Variants in SLC22A16 observed in about 807,000 individuals in gnomAD.
SLC22A16 encodes the protein WUGSC:RG331P03.1.
Under a neutral mutation model 52.9 loss-of-function variants are expected in SLC22A16, and 53 were observed. That is an observed-to-expected ratio of 1.00 (90% CI 0.80 to 1.26). SLC22A16 has a LOEUF of 1.26. SLC22A16 is among the 50% of genes most tolerant of loss of function. SLC22A16 has a pLI of 0.00. For missense variants in SLC22A16, 726 were observed against 704.0 expected (o/e 1.03, Z -0.35); for synonymous variants, 291 against 268.8 (o/e 1.08, Z -0.81).
At chr6:110,466,630 A>G (rs1392448653) in intron 1 of SLC22A16, among the ~76,000 whole-genome samples, 1 of 152,092 alleles carries the variant, frequency 6.6e-6, no homozygotes, top group African/African-American at 2.4e-5. Flanking sequence ...AATAACAGAT[A>G]TTAGTGAGAC....
In SLC22A16 at chr6:110,432,797, T is replaced by A. The variant is rs552152774; in HGVS notation, c.1422-1527A>T. 1.1e-4 allele frequency among the ~76,000 whole-genome samples: 16 copies of A among 152,298 alleles called. No individual in the cohort carries two copies. In the East Asian group the frequency reaches 2.9e-3, roughly 28 times the overall value. On this transcript the variant is annotated intron_variant, in intron 6 of 7. Transcript: ENST00000368919. ...CTGTACATCTGTGCAGGGCTGCCAC[T>A]TTCACAATATGATCTGAGAAGAGTC...
chr6:110,440,504 G>C (rs1403209777), intron 4 of SLC22A16, among the ~76,000 whole-genome samples: 4 of 152,194 alleles, frequency 2.6e-5, no homozygotes, highest in Non-Finnish European at 5.9e-5. Flanking sequence ...ACGGCGGGGT[G>C]CTGTGGCTCA....
intron 1 of SLC22A16, among the ~76,000 whole-genome samples, chr6:110,465,960 T>C (rs1206820650): frequency 6.6e-6 from 1 of 151,880 alleles, no homozygotes; most frequent in East Asian, 1.9e-4. Flanking sequence ...TGGAACAAAA[T>C]AGAGAATCCA....
intron 3 of SLC22A16, among the ~76,000 whole-genome samples, chr6:110,446,233 C>G (rs149280772): frequency 6.6e-6 from 1 of 152,278 alleles, no homozygotes; most frequent in East Asian, 1.9e-4. Flanking sequence ...GAAACAGCCT[C>G]CTTGCTCGCT....
intron 2 of SLC22A16, among the ~76,000 whole-genome samples, chr6:110,448,259 C>T (rs1441720526): frequency 6.6e-6 from 1 of 152,194 alleles, no homozygotes; most frequent in African/African-American, 2.4e-5. Flanking sequence ...TGATGTTGAG[C>T]ATCTTTTCAA....
At position 110,457,037 on chromosome 6, in the gene SLC22A16, A is replaced by T; in HGVS notation, c.54-20T>A. ...TGGAATCTGCAAGAGAAGAAAAGCT[A>T]ATTATTATATCTGGTCTATAGGCTG... is the stretch of plus-strand genomic sequence containing the variant. On this transcript the variant is annotated intron_variant, in intron 1 of 7. Coordinates refer to ENST00000368919, the MANE Select transcript of SLC22A16 (RefSeq NM_033125.4). 1 of 1,515,422 alleles carries T rather than the reference A, an allele frequency of 6.6e-7. No individual in the cohort carries two copies. Among genetic ancestry groups the T allele is most frequent in the Non-Finnish European group, 8.8e-7 (1 of 1,134,172 alleles). The allele number at this position is 1,515,422 out of a possible 1,614,324, so 93.9% of individuals were successfully genotyped here. A position where few individuals can be genotyped will look rare whatever the true frequency, so the allele number is the denominator to read the frequency against.
intron 3 of SLC22A16, among the ~76,000 whole-genome samples, chr6:110,446,663 A>C (rs1355444350): frequency 6.6e-6 from 1 of 151,330 alleles, no homozygotes; most frequent in East Asian, 1.9e-4. Context: ...AGGCAAACAC[A>C]CTTCTGCCTA....
intron 1 of SLC22A16, among the ~76,000 whole-genome samples, chr6:110,465,324 G>A (rs957688197): frequency 6.6e-6 from 1 of 151,772 alleles, no homozygotes; most frequent in Admixed American, 6.6e-5. Context: ...AGAAACAAAA[G>A]GTATCCAAAC....
intron 1 of SLC22A16, among the ~76,000 whole-genome samples, chr6:110,467,079 T>C (rs1776095516): frequency 6.6e-6 from 1 of 152,220 alleles, no homozygotes; most frequent in Non-Finnish European, 1.5e-5. Context: ...AATATCTTAG[T>C]ATTGCTAGAA....
intron 3 of SLC22A16, 119 bp from the exon 4 acceptor site, chr6:110,442,894 A>T: frequency 1.2e-6 from 1 of 841,832 alleles, no homozygotes; most frequent in Non-Finnish European, 1.8e-6. Context: ...TGCTTTCTGA[A>T]ACCCCTATCA....
At chr6:110,434,720 C>T (rs221720) in intron 6 of SLC22A16, among the ~76,000 whole-genome samples, 6,368 of 152,252 alleles carry the variant, frequency 0.042, 204 homozygotes, top group East Asian at 0.15. Context: ...TGGCTCATGC[C>T]TGTAATCCCA....
At chr6:110,470,500 AC>A (rs1300410551) in intron 1 of SLC22A16, among the ~76,000 whole-genome samples, 1 of 151,602 alleles carries the variant, frequency 6.6e-6, no homozygotes, top group Non-Finnish European at 1.5e-5. Context: ...CTTCCCACTG[AC>A]CCCATTTCCA....
intron 7 of SLC22A16, among the ~76,000 whole-genome samples, chr6:110,426,978 G>A (rs1326225902): frequency 7.3e-5 from 11 of 151,576 alleles, no homozygotes; most frequent in African/African-American, 2.4e-4. Flanking sequence ...AAGACTGGGT[G>A]CAGTGGCTTA....
chr6:110,456,459 T>A, intron 2 of SLC22A16, 79 bp downstream of exon 2: 1 of 1,517,186 alleles, frequency 6.6e-7, no homozygotes, highest in Non-Finnish European at 8.9e-7. Flanking sequence ...GTTTTAAACA[T>A]AATTCCTTGT....
chr6:110,460,993 C>T (rs1205417070), intron 1 of SLC22A16, among the ~76,000 whole-genome samples: 1 of 152,176 alleles, frequency 6.6e-6, no homozygotes, highest in Admixed American at 6.5e-5. Context: ...CCTACTCCAC[C>T]CATTCACTGT....
chr6:110,424,702 A>T lies in SLC22A16; in HGVS notation c.*171T>A. The T allele has an allele frequency of 1.3e-6, 1 of 789,300 alleles. No homozygotes were observed. The highest frequency in any genetic ancestry group is 1.9e-6 in the Non-Finnish European group (1 of 523,608). 48.9% of individuals were successfully genotyped at this position (789,300 alleles called of 1,614,324 possible). ...AAGAAAGCAGTTTTTAAAACTGAGAATTTTCATCTTAGTTTTTATTTCTTT... is the reference window on the plus strand; with the variant it reads ...AAGAAAGCAGTTTTTAAAACTGAGATTTTTCATCTTAGTTTTTATTTCTTT... On this transcript the variant is annotated 3_prime_UTR_variant, in exon 8 of 8. Coordinates refer to ENST00000368919, the MANE Select transcript of SLC22A16 (RefSeq NM_033125.4).
intron 2 of SLC22A16, among the ~76,000 whole-genome samples, chr6:110,449,843 G>A (rs12198043): frequency 0.062 from 9,380 of 152,192 alleles, 434 homozygotes; most frequent in African/African-American, 0.13. Context: ...CTAACCTCAT[G>A]TCAGTACACC....
Position 110,431,276 on chromosome 6 carries a change from A to C in SLC22A16, c.1422-6T>G. On this transcript the variant is annotated splice_region_variant and splice_polypyrimidine_tract_variant and intron_variant, in intron 6 of 7. Coordinates refer to ENST00000368919, the MANE Select transcript of SLC22A16 (RefSeq NM_033125.4). ...CGCTTCCCACAGCCAGCGATCTGGA[A>C]ACAGAGGAGAGAGGCTGAGACAAGT... The C allele has an allele frequency of 1.2e-6, 2 of 1,610,646 alleles. No individual in the cohort carries two copies. The highest frequency in any genetic ancestry group is 1.7e-6 in the Non-Finnish European group (2 of 1,179,462).
At chr6:110,425,163 G>A in intron 7 of SLC22A16, 78 bp from the exon 8 acceptor site, 2 of 1,574,546 alleles carry the variant, frequency 1.3e-6, no homozygotes, top group Non-Finnish European at 1.7e-6. Flanking sequence ...TTTCCTAACT[G>A]TTTTCAGAGG....
Sources: allele counts gnomAD v4.1 joint callset (sites outside exome capture counted in the v4.1 genomes callset), GRCh38; gene constraint gnomAD v4.1.1; transcripts MANE v1.5; gene names NCBI Gene and HGNC (gene_info 2026-07-23, HGNC 2026-07-21).